ATP6V1C1: variants seen among roughly 807,000 people sequenced by gnomAD.
ATP6V1C1 encodes the protein V-type proton ATPase subunit C 1.
In ATP6V1C1, 45 loss-of-function variants were observed where a neutral mutation model predicts 53.9. The observed-to-expected ratio is 0.83, with a 90% CI of 0.66 to 1.07. The LOEUF is 1.07. Among genes scored for constraint, ATP6V1C1 ranks in the 50% least tolerant of loss-of-function variants. The pLI, the probability that ATP6V1C1 is intolerant of heterozygous loss-of-function variation, is 0.00. For synonymous variants in ATP6V1C1, 153 were observed against 155.2 expected (o/e 0.99, Z 0.11); for missense variants, 315 against 440.3 (o/e 0.72, Z 2.55).
chr8:103,053,264 A>T (rs1817231667), intron 6 of ATP6V1C1, among the ~76,000 whole-genome samples: 1 of 151,860 alleles, frequency 6.6e-6, no homozygotes, highest in Admixed American at 6.6e-5. Context: ...ATAGGACTGA[A>T]TTTTTTTGGT....
chr8:103,053,562 G>T (rs906991609), intron 6 of ATP6V1C1, among the ~76,000 whole-genome samples: 1 of 151,878 alleles, frequency 6.6e-6, no homozygotes, highest in Non-Finnish European at 1.5e-5. Flanking sequence ...ATTATATGAT[G>T]GAATAGACTT....
intron 3 of ATP6V1C1, among the ~76,000 whole-genome samples, chr8:103,046,348 A>G (rs541793520): frequency 1.3e-5 from 2 of 152,250 alleles, no homozygotes; most frequent in South Asian, 4.1e-4. Context: ...CTAGGACTAT[A>G]GGCTTGCACC....
chr8:103,027,207 C>A (rs1183816436), intron 1 of ATP6V1C1, among the ~76,000 whole-genome samples: 1 of 152,174 alleles, frequency 6.6e-6, no homozygotes, highest in Non-Finnish European at 1.5e-5. Flanking sequence ...TTAAAATAAG[C>A]TGCTTTAGTA....
At chr8:103,025,002 A>G (rs994765225) in intron 1 of ATP6V1C1, among the ~76,000 whole-genome samples, 13 of 152,122 alleles carry the variant, frequency 8.5e-5, no homozygotes, top group African/African-American at 2.4e-4. Flanking sequence ...CTTTGGTTAC[A>G]TCGGGGATAA....
chr8:103,052,414 G>GAA (rs1211198310), intron 5 of ATP6V1C1, among the ~76,000 whole-genome samples: 3 of 152,030 alleles, frequency 2.0e-5, no homozygotes, highest in Non-Finnish European at 4.4e-5. Context: ...CTTGTGAATT[G>GAA]AAGCCTTGTA....
At chr8:103,056,017 C>G (rs1332666222) in intron 8 of ATP6V1C1, 81 bp downstream of exon 8, 4 of 1,358,322 alleles carry the variant, frequency 2.9e-6, no homozygotes, top group African/African-American at 2.9e-5. Flanking sequence ...AATATGTTTG[C>G]TGTCTTGCCT....
chr8:103,055,739 TTAAA>T (rs1817279626), intron 7 of ATP6V1C1, 125 bp from the exon 8 acceptor site: 2 of 754,746 alleles, frequency 2.6e-6, no homozygotes, highest in East Asian at 3.1e-5. Flanking sequence ...ATTTTTTTTG[TTAAA>T]TAGAGTTGAA....
At chr8:103,055,426 C>G (rs991835187) in intron 7 of ATP6V1C1, among the ~76,000 whole-genome samples, 4 of 152,104 alleles carry the variant, frequency 2.6e-5, no homozygotes, top group African/African-American at 9.7e-5. Context: ...ACTGTCACTT[C>G]ATTTACTTAC....
intron 8 of ATP6V1C1, among the ~76,000 whole-genome samples, chr8:103,057,006 C>T (rs1209334906): frequency 2.0e-5 from 3 of 152,022 alleles, no homozygotes; most frequent in Non-Finnish European, 2.9e-5. Flanking sequence ...GTTGTGACTT[C>T]GAGTTGTCCA....
At chr8:103,058,825 A>G (rs1563608739) in intron 8 of ATP6V1C1, among the ~76,000 whole-genome samples, 1 of 152,240 alleles carries the variant, frequency 6.6e-6, no homozygotes, top group Non-Finnish European at 1.5e-5. Flanking sequence ...TTGAAATACT[A>G]CCATTGCTGT....
chr8:103,058,796 C>G (rs1443691929), intron 8 of ATP6V1C1, among the ~76,000 whole-genome samples: 1 of 152,160 alleles, frequency 6.6e-6, no homozygotes, highest in Non-Finnish European at 1.5e-5. Context: ...ATAAAATATT[C>G]TACAAAGATT....
At chr8:103,026,696 C>G (rs954795954) in intron 1 of ATP6V1C1, among the ~76,000 whole-genome samples, 1 of 152,094 alleles carries the variant, frequency 6.6e-6, no homozygotes, top group Admixed American at 6.5e-5. Context: ...GCCTATAATC[C>G]CGGCTACTCA....
At position 103,030,118 on chromosome 8, in the gene ATP6V1C1, G is replaced by A. The variant is rs1273914582; in HGVS notation, c.-40+8893G>A. 4.0e-5 allele frequency among the ~76,000 whole-genome samples: 6 copies of A among 151,732 alleles called. No individual in the cohort carries two copies. The East Asian group carries it at 9.7e-4, about 24-fold the overall frequency. Reference sequence around the variant, plus strand: ...GCAAATTAATGGCACATAAGTGAATGTTGGAGACATTTATTCAAGCTGCAG... The same window carrying A: ...GCAAATTAATGGCACATAAGTGAATATTGGAGACATTTATTCAAGCTGCAG... On this transcript the variant is annotated intron_variant, in intron 1 of 12. Transcript: ENST00000518738.
At chr8:103,057,471 C>T (rs1337434806) in intron 8 of ATP6V1C1, among the ~76,000 whole-genome samples, 1 of 152,236 alleles carries the variant, frequency 6.6e-6, no homozygotes, top group African/African-American at 2.4e-5. Context: ...ATCTGCCATG[C>T]AGGAAAGGTC....
chr8:103,066,880 G>C (rs1264549468), intron 12 of ATP6V1C1, among the ~76,000 whole-genome samples: 1 of 149,710 alleles, frequency 6.7e-6, no homozygotes, highest in African/African-American at 2.5e-5. Flanking sequence ...GGGACATGTT[G>C]GTAGTCCCAG....
intron 3 of ATP6V1C1, among the ~76,000 whole-genome samples, chr8:103,047,189 G>A (rs147085157): frequency 3.0e-4 from 46 of 152,130 alleles, no homozygotes; most frequent in African/African-American, 1.1e-3. Flanking sequence ...ACTCAGCATA[G>A]GATTGTCATT....
At chr8:103,060,099 C>T (rs1263380095) in intron 8 of ATP6V1C1, among the ~76,000 whole-genome samples, 1 of 151,716 alleles carries the variant, frequency 6.6e-6, no homozygotes, top group Non-Finnish European at 1.5e-5. Context: ...TCCCAAGTAG[C>T]TGGGATTACA....
intron 1 of ATP6V1C1, among the ~76,000 whole-genome samples, chr8:103,022,761 A>T (rs1171881871): frequency 6.6e-6 from 1 of 152,150 alleles, no homozygotes; most frequent in Non-Finnish European, 1.5e-5. Context: ...TGAAAAGAAC[A>T]TTCCAGGCCT....
intron 2 of ATP6V1C1, among the ~76,000 whole-genome samples, chr8:103,041,835 G>A (rs562994500): frequency 6.6e-6 from 1 of 152,228 alleles, no homozygotes; most frequent in Non-Finnish European, 1.5e-5. Flanking sequence ...TCATACCACT[G>A]CACTCCAGCC....
Sources: gnomAD v4.1 joint callset for allele counts (sites outside exome capture counted in the v4.1 genomes callset) on GRCh38, gnomAD v4.1.1 for gene constraint, MANE v1.5 for transcripts, NCBI Gene and HGNC (gene_info 2026-07-23, HGNC 2026-07-21) for gene names.